Variants in PHACTR1 observed in about 807,000 individuals in gnomAD.
PHACTR1 encodes RPEL repeat containing 1.
In PHACTR1, 16 loss-of-function variants were observed where a neutral mutation model predicts 69.2. The ratio of observed to expected loss-of-function variants is 0.23; its 90% CI spans 0.16 to 0.35. PHACTR1 has a LOEUF of 0.35. PHACTR1 is among the 10% of genes least tolerant of loss of function. The probability of loss-of-function intolerance (pLI) is 1.00; values close to 1 mark genes in which losing one functional copy is unlikely to be tolerated. For missense variants in PHACTR1, 510 were observed against 734.7 expected, an observed-to-expected ratio of 0.69 and a Z score of 3.54; for synonymous variants, 312 against 284.5, an observed-to-expected ratio of 1.10 and a Z score of -0.97.
intron 12 of PHACTR1, chr6:13,280,934 C>G: frequency 7.8e-7 from 1 of 1,287,656 alleles, no homozygotes; most frequent in Non-Finnish European, 1.0e-6. Context: ...CCCATGCACA[C>G]AGAGGAGCGT....
intron 6 of PHACTR1, among the ~76,000 whole-genome samples, chr6:13,177,445 G>T (rs1055170803): frequency 6.8e-6 from 1 of 146,530 alleles, no homozygotes. Context: ...GTATATATGT[G>T]TGTGTGTGTG....
intron 4 of PHACTR1, among the ~76,000 whole-genome samples, chr6:13,016,610 G>A (rs1800209258): frequency 6.6e-6 from 1 of 150,862 alleles, no homozygotes; most frequent in Non-Finnish European, 1.5e-5. Flanking sequence ...TTACATTTTA[G>A]CAATTATCTT....
chr6:13,089,247 T>A (rs1812816534), intron 5 of PHACTR1, among the ~76,000 whole-genome samples: 1 of 152,144 alleles, frequency 6.6e-6, no homozygotes, highest in Non-Finnish European at 1.5e-5. Flanking sequence ...TACCAGTACA[T>A]CTGCTCAAGC....
chr6:13,184,596 T>A (rs1000893505), intron 7 of PHACTR1, among the ~76,000 whole-genome samples: 1 of 152,218 alleles, frequency 6.6e-6, no homozygotes, highest in Non-Finnish European at 1.5e-5. Flanking sequence ...CCACTCTCTC[T>A]CTTCCTCTGC....
chr6:12,927,667 C>T (rs1179769348), intron 4 of PHACTR1, among the ~76,000 whole-genome samples: 1 of 152,194 alleles, frequency 6.6e-6, no homozygotes, highest in Non-Finnish European at 1.5e-5. Context: ...AGCATAGGTA[C>T]CATGCATGCA....
At position 12,926,330 on chromosome 6, in the gene PHACTR1, G is replaced by A. The variant is rs2127521403; in HGVS notation, c.251-127035G>A. Among the ~76,000 whole-genome samples the A allele has an allele frequency of 3.3e-5, 5 of 151,706 alleles. No homozygotes were observed. In the South Asian group the frequency reaches 1.0e-3, roughly 32 times the overall value. ...TTTGTTTACATTTCCTAAGATTTTT[G>A]TCTTAGATGCTCTTCTCTTCTGGTT... is the stretch of plus-strand genomic sequence containing the variant. On this transcript the variant is annotated intron_variant, in intron 4 of 14. Coordinates refer to ENST00000332995, the MANE Select transcript of PHACTR1 (RefSeq NM_030948.6).
chr6:12,922,643 C>T (rs1450954926), intron 4 of PHACTR1, among the ~76,000 whole-genome samples: 5 of 152,188 alleles, frequency 3.3e-5, no homozygotes, highest in Non-Finnish European at 5.9e-5. Context: ...CCATTTCACT[C>T]CTCCTACTAT....
At chr6:13,051,302 G>A (rs775968134) in intron 4 of PHACTR1, among the ~76,000 whole-genome samples, 23 of 152,002 alleles carry the variant, frequency 1.5e-4, no homozygotes, top group African/African-American at 5.3e-4. Flanking sequence ...TTTGTTTACC[G>A]TCATAGCCTA....
At chr6:13,044,184 T>C (rs1037805006) in intron 4 of PHACTR1, among the ~76,000 whole-genome samples, 27 of 152,208 alleles carry the variant, frequency 1.8e-4, no homozygotes, top group African/African-American at 6.3e-4. Flanking sequence ...CTCTCTTCAT[T>C]GCCCTGTGTT....
At chr6:13,272,624 G>C in intron 10 of PHACTR1, 1 of 1,319,800 alleles carries the variant, frequency 7.6e-7, no homozygotes, top group Non-Finnish European at 1.0e-6. Context: ...CTGGGGAGGG[G>C]CCGCTGCAGG....
chr6:13,224,071 A>G lies in PHACTR1; in HGVS notation c.987-3745A>G, dbSNP rs150557199. Among the ~76,000 whole-genome samples the G allele has an allele frequency of 8.7e-3, 1,320 of 152,314 alleles. 28 individuals carry two copies. The highest frequency in any genetic ancestry group is 0.054 in the Admixed American group (821 of 15,298). On this transcript the variant is annotated intron_variant, in intron 8 of 14. Coordinates refer to ENST00000332995, the MANE Select transcript of PHACTR1 (RefSeq NM_030948.6). ...ATCTAAATGTCAGTCATTCCAGCCC[A>G]TATTTATTTCATTCGGCTAAAGCAA...
At chr6:12,754,417 G>A (rs1767039971) in intron 4 of PHACTR1, among the ~76,000 whole-genome samples, 1 of 152,104 alleles carries the variant, frequency 6.6e-6, no homozygotes, top group African/African-American at 2.4e-5. Context: ...GTAAATTGAA[G>A]GCAGACCATG....
At chr6:13,191,993 G>A (rs904915508) in intron 7 of PHACTR1, among the ~76,000 whole-genome samples, 5 of 152,118 alleles carry the variant, frequency 3.3e-5, no homozygotes, top group African/African-American at 9.7e-5. Context: ...CTATAACCAG[G>A]GCAAAGAGCG....
intron 4 of PHACTR1, among the ~76,000 whole-genome samples, chr6:12,790,557 C>G (rs1000048431): frequency 3.9e-5 from 6 of 152,202 alleles, no homozygotes; most frequent in Admixed American, 2.6e-4. Flanking sequence ...ATGTAAGCTC[C>G]TTTAGACCAG....
chr6:13,066,507 C>T (rs541529258), intron 5 of PHACTR1, among the ~76,000 whole-genome samples: 12 of 152,236 alleles, frequency 7.9e-5, no homozygotes, highest in African/African-American at 2.6e-4. Context: ...TAAATGACTG[C>T]GTGTGTTAAA....
intron 5 of PHACTR1, among the ~76,000 whole-genome samples, chr6:13,055,746 C>T (rs950507181): frequency 1.3e-5 from 2 of 152,236 alleles, no homozygotes; most frequent in Non-Finnish European, 2.9e-5. Flanking sequence ...ATTATGCCAA[C>T]GTCTTCAAGA....
chr6:13,100,132 C>T (rs531940808), intron 5 of PHACTR1, among the ~76,000 whole-genome samples: 1 of 152,186 alleles, frequency 6.6e-6, no homozygotes, highest in Non-Finnish European at 1.5e-5. Flanking sequence ...GATGCCCCTA[C>T]ATCAATCAAA....
chr6:12,959,202 A>AAAGAAAAG (rs1554181519), intron 4 of PHACTR1, among the ~76,000 whole-genome samples: 2 of 69,102 alleles, frequency 2.9e-5, no homozygotes, highest in African/African-American at 2.1e-4. Flanking sequence ...AAAAGAAAAG[A>AAAGAAAAG]AAAAAAAAAG....
chr6:13,273,733 C>G (rs997739284), intron 11 of PHACTR1: 1 of 152,242 alleles, frequency 6.6e-6, no homozygotes, highest in Non-Finnish European at 1.5e-5. Context: ...CTACCATTCT[C>G]GCCAACACTG....
Sources: gnomAD v4.1 joint callset for allele counts (sites outside exome capture counted in the v4.1 genomes callset) on GRCh38, gnomAD v4.1.1 for gene constraint, MANE v1.5 for transcripts, NCBI Gene and HGNC (gene_info 2026-07-23, HGNC 2026-07-21) for gene names.